WWOX: variants seen among roughly 807,000 people sequenced by gnomAD.
WWOX encodes WW domain-containing oxidoreductase.
Under a neutral mutation model 46.2 loss-of-function variants are expected in WWOX, and 69 were observed. That is an observed-to-expected ratio of 1.49 (90% confidence interval 1.23 to 1.82). The LOEUF (loss-of-function observed/expected upper bound fraction) is 1.82. Among genes scored for constraint, WWOX ranks in the 40% most tolerant of loss-of-function variants. The pLI is 0.00. For synonymous variants in WWOX, 359 were observed against 202.6 expected (o/e 1.77, Z -6.56); for missense variants, 919 against 542.6 (o/e 1.69, Z -6.89).
chr16:79,128,507 G>A (rs192426444), intron 8 of WWOX, among the ~76,000 whole-genome samples: 1 of 152,180 alleles, frequency 6.6e-6, no homozygotes, highest in East Asian at 1.9e-4. Context: ...AAATAACTTG[G>A]CCAAGGTCAC....
chr16:78,191,790 A>G (rs963330630), intron 5 of WWOX, among the ~76,000 whole-genome samples: 3 of 152,208 alleles, frequency 2.0e-5, no homozygotes, highest in Non-Finnish European at 4.4e-5. Flanking sequence ...TGGAAAAATG[A>G]ACTGGAATAA....
chr16:78,594,145 C>G (rs1395403687), intron 8 of WWOX, among the ~76,000 whole-genome samples: 2 of 151,978 alleles, frequency 1.3e-5, no homozygotes, highest in African/African-American at 2.4e-5. Flanking sequence ...TTATTAATGC[C>G]CATCCTTTAA....
At chr16:78,930,351 C>G (rs559926925) in intron 8 of WWOX, among the ~76,000 whole-genome samples, 1 of 150,346 alleles carries the variant, frequency 6.7e-6, no homozygotes, top group South Asian at 2.1e-4. Context: ...ATTCATGGCT[C>G]ACTGCAGCCT....
At chr16:78,393,091 T>G (rs1299654756) in intron 6 of WWOX, among the ~76,000 whole-genome samples, 3 of 152,178 alleles carry the variant, frequency 2.0e-5, no homozygotes, top group Non-Finnish European at 4.4e-5. Context: ...TTGTTTAAAC[T>G]GCATTCCTGG....
chr16:78,545,190 G>T (rs143000628), intron 8 of WWOX, among the ~76,000 whole-genome samples: 101 of 152,246 alleles, frequency 6.6e-4, no homozygotes, highest in African/African-American at 2.3e-3. Context: ...GTACCACTGT[G>T]GCCAGGGAGT....
At chr16:79,134,521 G>A (rs533900144) in intron 8 of WWOX, among the ~76,000 whole-genome samples, 2 of 152,210 alleles carry the variant, frequency 1.3e-5, no homozygotes, top group South Asian at 4.2e-4. Context: ...TTCCCTACCC[G>A]GGGCCCACTC....
chr16:78,973,067 A>G (rs997619102), intron 8 of WWOX, among the ~76,000 whole-genome samples: 5 of 152,224 alleles, frequency 3.3e-5, no homozygotes, highest in African/African-American at 1.2e-4. Context: ...GGGATTAAAC[A>G]GCTGTCAGCA....
intron 5 of WWOX, among the ~76,000 whole-genome samples, chr16:78,319,486 C>A (rs1482264980): frequency 1.3e-5 from 2 of 151,816 alleles, no homozygotes. Flanking sequence ...GGTCTCAAAC[C>A]CCTGGGCTCA....
At chr16:79,208,634 T>TTTG (rs1326439081) in intron 8 of WWOX, among the ~76,000 whole-genome samples, 2 of 151,664 alleles carry the variant, frequency 1.3e-5, no homozygotes, top group Non-Finnish European at 2.9e-5. Flanking sequence ...TCTTTAAATT[T>TTTG]TTTTTTTAAT....
At chr16:78,408,777 AGTCACCTTTGGGAG>A (rs1337453287) in intron 6 of WWOX, among the ~76,000 whole-genome samples, 1 of 152,162 alleles carries the variant, frequency 6.6e-6, no homozygotes, top group Non-Finnish European at 1.5e-5. Context: ...GAGTTTCCTG[AGTCACCTTTGGGAG>A]GTAGGAAGGG....
intron 5 of WWOX, among the ~76,000 whole-genome samples, chr16:78,244,505 C>T (rs1196353746): frequency 6.6e-6 from 1 of 152,134 alleles, no homozygotes; most frequent in African/African-American, 2.4e-5. Context: ...ATGGTCTTGC[C>T]ACATTGCATC....
At chr16:78,108,568 T>G (rs2032300111) in intron 2 of WWOX, 81 bp downstream of exon 2, 2 of 1,506,730 alleles carry the variant, frequency 1.3e-6, no homozygotes, top group African/African-American at 2.8e-5. Context: ...GGTGACAGGT[T>G]ATTGTGTGTT....
chr16:78,647,603 C>G (rs80147627), intron 8 of WWOX, among the ~76,000 whole-genome samples: 8,257 of 152,284 alleles, frequency 0.054, 314 homozygotes, highest in South Asian at 0.17. Context: ...CCTCCCCATT[C>G]TATAAAATAA....
intron 8 of WWOX, among the ~76,000 whole-genome samples, chr16:78,746,174 G>A (rs1205490950): frequency 6.6e-6 from 1 of 152,142 alleles, no homozygotes; most frequent in African/African-American, 2.4e-5. Context: ...GTCAAAGCAG[G>A]GTCAGCAGAA....
intron 8 of WWOX, among the ~76,000 whole-genome samples, chr16:79,007,651 G>C (rs1283152370): frequency 6.6e-6 from 1 of 152,208 alleles, no homozygotes; most frequent in Non-Finnish European, 1.5e-5. Context: ...CCTCACTGCA[G>C]AGTTATAAGG....
chr16:78,855,818 C>T (rs1221847884), intron 8 of WWOX, among the ~76,000 whole-genome samples: 1 of 152,184 alleles, frequency 6.6e-6, no homozygotes. Flanking sequence ...TATTTCCTGA[C>T]TTCCACCTTG....
intron 8 of WWOX, among the ~76,000 whole-genome samples, chr16:78,880,535 A>T (rs1318222884): frequency 6.6e-6 from 1 of 152,266 alleles, no homozygotes; most frequent in African/African-American, 2.4e-5. Context: ...CATAAGATGA[A>T]CATTAAACAA....
chr16:78,103,569 G>A (rs1597198423), intron 1 of WWOX, among the ~76,000 whole-genome samples: 1 of 152,032 alleles, frequency 6.6e-6, no homozygotes, highest in South Asian at 2.1e-4. Context: ...ATCCTAACCC[G>A]ACATTCCCTT....
intron 8 of WWOX, chr16:78,551,755 C>T (rs568100599): frequency 1.3e-5 from 2 of 152,126 alleles, no homozygotes; most frequent in Non-Finnish European, 1.5e-5. Flanking sequence ...CTTTGTCTTC[C>T]TCCATCAGCT....
Sources: allele counts gnomAD v4.1 joint callset (sites outside exome capture counted in the v4.1 genomes callset), GRCh38; gene constraint gnomAD v4.1.1; transcripts MANE v1.5; gene names NCBI Gene and HGNC (gene_info 2026-07-23, HGNC 2026-07-21).